Variants in KIF1A observed in about 807,000 individuals in gnomAD.
KIF1A encodes kinesin-like protein KIF1A.
A neutral mutation model predicts 227.3 loss-of-function variants in KIF1A; 46 were observed. The ratio of observed to expected loss-of-function variants is 0.20; its 90% CI spans 0.16 to 0.26. KIF1A has a LOEUF of 0.26. Ranked by LOEUF, KIF1A falls within the 10% of genes least tolerant of loss-of-function variation. The probability of loss-of-function intolerance (pLI) is 1.00; values close to 1 mark genes in which losing one functional copy is unlikely to be tolerated. For missense variants in KIF1A, 1,683 were observed against 2,485.9 expected, an observed-to-expected ratio of 0.68 and a Z score of 6.87; for synonymous variants, 1,022 against 1,012.8, an observed-to-expected ratio of 1.01 and a Z score of -0.17.
chr2:240,768,085 G>T (rs567622781), intron 17 of KIF1A, among the ~76,000 whole-genome samples: 80 of 152,326 alleles, frequency 5.3e-4, no homozygotes, highest in Non-Finnish European at 8.8e-4. Context: ...GACCCCACTG[G>T]CCTGTGCACG....
At position 240,770,589 on chromosome 2, in the gene KIF1A, A is replaced by C. The variant is rs1319508322; in HGVS notation, c.1341+382T>G. On this transcript the variant is annotated intron_variant, in intron 15 of 48. Coordinates refer to ENST00000498729, the MANE Select transcript of KIF1A (RefSeq NM_001244008.2). ...CCTTGAACAAGCACCCACTCACACA[A>C]TTAAAGACTCGACAGGAAGAGTCTC... Among the ~76,000 whole-genome samples, 5 of 152,324 alleles carry C rather than the reference A, an allele frequency of 3.3e-5. No individual in the cohort carries two copies. In the East Asian group the frequency reaches 9.7e-4, roughly 29 times the overall value.
chr2:240,782,252 C>G (rs1229593612), intron 10 of KIF1A: 6 of 948,756 alleles, frequency 6.3e-6, no homozygotes, highest in Non-Finnish European at 7.5e-6. Context: ...CAGGGCTCCC[C>G]AGCCCTCTCC....
At chr2:240,816,467 G>A (rs1009984815) in intron 1 of KIF1A, among the ~76,000 whole-genome samples, 7 of 152,086 alleles carry the variant, frequency 4.6e-5, no homozygotes, top group Non-Finnish European at 1.0e-4. Flanking sequence ...ACTGTGGGGA[G>A]GGGTGAGGAA....
At chr2:240,748,798 A>C in intron 28 of KIF1A, 1 of 194,076 alleles carries the variant, frequency 5.2e-6, no homozygotes. Flanking sequence ...GGTGCTATAA[A>C]CAGCATTTAG....
intron 25 of KIF1A, 91 bp downstream of exon 25, chr2:240,760,574 C>T (rs936318808): frequency 5.8e-5 from 59 of 1,012,614 alleles, no homozygotes; most frequent in Non-Finnish European, 7.7e-5. Context: ...CAGGTACTCG[C>T]TGTGAAGCCT....
At chr2:240,727,101 G>T (rs1014705317) in intron 38 of KIF1A, among the ~76,000 whole-genome samples, 161 bp from the exon 39 acceptor site, 1 of 152,224 alleles carries the variant, frequency 6.6e-6, no homozygotes, top group African/African-American at 2.4e-5. Context: ...GGAAGGACAG[G>T]TCCCTCCTTA....
Position 240,726,813 on chromosome 2 carries a change from A to G in KIF1A, c.4122+13T>C, listed in dbSNP as rs763326105. On this transcript the variant is annotated intron_variant, in intron 39 of 48. Coordinates refer to ENST00000498729, the MANE Select transcript of KIF1A (RefSeq NM_001244008.2). The surrounding 1 kb of genome is among the most constrained non-coding windows in gnomAD (Gnocchi z 5.2). Reference sequence around the variant, plus strand: ...AGTGGTTTTGGTGGAGTGCCCTGGCATAGGTGCCTTGCCTCGATATAAGCG... The same window carrying G: ...AGTGGTTTTGGTGGAGTGCCCTGGCGTAGGTGCCTTGCCTCGATATAAGCG... 1 of 1,554,184 alleles carries G rather than the reference A, an allele frequency of 6.4e-7. No homozygotes were observed. The highest frequency in any genetic ancestry group is 1.4e-5 in the African/African-American group (1 of 73,854).
chr2:240,721,191 A>G (rs945496129), intron 44 of KIF1A, among the ~76,000 whole-genome samples, 153 bp from the exon 45 acceptor site: 8 of 152,128 alleles, frequency 5.3e-5, no homozygotes, highest in Non-Finnish European at 8.8e-5. Flanking sequence ...TGGCCAGCTC[A>G]AGACCCCCGG....
chr2:240,805,650 A>T (rs1207404568), intron 1 of KIF1A, among the ~76,000 whole-genome samples: 2 of 139,106 alleles, frequency 1.4e-5, no homozygotes, highest in Non-Finnish European at 3.1e-5. Flanking sequence ...TAATGGACAT[A>T]TGTGCCTCTC....
chr2:240,760,552 C>T (rs1575586671), intron 25 of KIF1A, 113 bp downstream of exon 25: 3 of 703,300 alleles, frequency 4.3e-6, no homozygotes, highest in Non-Finnish European at 6.4e-6. Context: ...ACAGGAGGAA[C>T]AGCGGTGTCT....
rs759736676 is a variant in KIF1A, at chr2:240,757,337, A to AG, written c.2839dup (p.Leu947ProfsTer49). The AG allele has an allele frequency of 5.8e-6, 9 of 1,550,510 alleles. No individual in the cohort carries two copies. The highest frequency in any genetic ancestry group is 2.0e-5 in the Admixed American group (1 of 50,994). On this transcript the variant is annotated frameshift_variant, in exon 27 of 49. Coordinates refer to ENST00000498729, the MANE Select transcript of KIF1A (RefSeq NM_001244008.2). LOFTEE classifies it high-confidence loss of function. The surrounding 1 kb of genome is among the most constrained non-coding windows in gnomAD (Gnocchi z 6.2). The stretch of plus-strand genomic sequence containing the variant: ...CACCAACCTTCCTACTAAACTGAAC[A>AG]GGGGGGGCCGGTCGTAAAACGGGTC...
At chr2:240,808,610 T>C (rs2057616708) in intron 1 of KIF1A, among the ~76,000 whole-genome samples, 1 of 152,032 alleles carries the variant, frequency 6.6e-6, no homozygotes, top group Admixed American at 6.6e-5. Flanking sequence ...AGTTCGAGGC[T>C]GCGGTGAGCT....
intron 32 of KIF1A, among the ~76,000 whole-genome samples, chr2:240,744,588 G>C (rs929070322): frequency 2.0e-5 from 3 of 152,162 alleles, no homozygotes; most frequent in Non-Finnish European, 4.4e-5. Context: ...CGGAAGTTTG[G>C]GCCCAGGCAC....
chr2:240,781,534 C>G lies in KIF1A; in HGVS notation c.882+1056G>C, dbSNP rs190354814. Reference sequence around the variant, plus strand: ...ACACACACACAGCTCCTCACAGTCCCGCACAATCTGGACAGCGGATCGTTC... The same window carrying G: ...ACACACACACAGCTCCTCACAGTCCGGCACAATCTGGACAGCGGATCGTTC... On this transcript the variant is annotated intron_variant, in intron 10 of 48. Transcript: ENST00000498729. 3.7e-3 allele frequency among the ~76,000 whole-genome samples: 557 copies of G among 152,196 alleles called. 1 individual carries two copies. The highest frequency in any genetic ancestry group is 0.013 in the African/African-American group (523 of 41,470).
chr2:240,767,433 C>A (rs1447702768), intron 17 of KIF1A, 88 bp from the exon 18 acceptor site: 2 of 1,089,462 alleles, frequency 1.8e-6, no homozygotes, highest in Non-Finnish European at 2.8e-6. Flanking sequence ...CTCCAGGCAC[C>A]AGACTACCAC....
At chr2:240,782,306 GC>G (rs1216696534) in intron 10 of KIF1A, 2 of 695,446 alleles carry the variant, frequency 2.9e-6, no homozygotes, top group East Asian at 1.3e-4. Context: ...TCCTCCCAGG[GC>G]CCCCACGCCC....
intron 1 of KIF1A, among the ~76,000 whole-genome samples, chr2:240,815,769 G>A (rs968195968): frequency 2.6e-5 from 4 of 152,192 alleles, no homozygotes; most frequent in African/African-American, 9.7e-5. Context: ...CATCCTCGGA[G>A]TCCCAGGTCC....
chr2:240,760,630 C>G (rs1453135456), intron 25 of KIF1A, 35 bp downstream of exon 25: 6 of 1,427,336 alleles, frequency 4.2e-6, no homozygotes. Context: ...CAGGAGGACC[C>G]TCCCACCATC....
chr2:240,719,203 A>G lies in KIF1A; in HGVS notation c.5022-5T>C, dbSNP rs2125568236. The G allele has an allele frequency of 1.3e-6, 2 of 1,597,766 alleles. No homozygotes were observed. Among genetic ancestry groups the G allele is most frequent in the South Asian group, 1.1e-5 (1 of 89,750 alleles). On this transcript the variant is annotated splice_polypyrimidine_tract_variant and splice_region_variant and intron_variant, in intron 46 of 48. Coordinates refer to ENST00000498729, the MANE Select transcript of KIF1A (RefSeq NM_001244008.2). ...CCCTTCTTGGAAACGATCGGGCTGA[A>G]GGCAGAGAGAGCTGCTCGCTGGGGC...
Sources: gnomAD v4.1 joint callset for allele counts (sites outside exome capture counted in the v4.1 genomes callset) on GRCh38, gnomAD v4.1.1 for gene constraint, Gnocchi (gnomAD v3.1) non-coding constraint, MANE v1.5 for transcripts, NCBI Gene and HGNC (gene_info 2026-07-23, HGNC 2026-07-21) for gene names.